The following SYNE2 variants were observed in gnomAD, a reference collection of about 807,000 sequenced individuals.
SYNE2 encodes spectrin repeat containing nuclear envelope protein 2, also known as nesprin-2.
Under a neutral mutation model 856.3 loss-of-function variants are expected in SYNE2, and 431 were observed. The ratio of observed to expected loss-of-function variants is 0.50; its 90% CI spans 0.47 to 0.55. The LOEUF (loss-of-function observed/expected upper bound fraction) is 0.55, where lower values mean the gene tolerates loss of function less well. SYNE2 is among the 20% of genes least tolerant of loss of function. The pLI is 0.00. For synonymous variants in SYNE2, 2,923 were observed against 2,872.3 expected, an observed-to-expected ratio of 1.02 and a Z score of -0.56; for missense variants, 8,129 against 8,023.2, an observed-to-expected ratio of 1.01 and a Z score of -0.50.
intron 1 of SYNE2, among the ~76,000 whole-genome samples, chr14:63,840,462 C>G (rs1890025504): frequency 6.9e-6 from 1 of 145,536 alleles, no homozygotes; most frequent in Non-Finnish European, 1.5e-5. Context: ...TCCCTCCCTC[C>G]CTCCTTCCTT....
At chr14:63,930,533 CTTTT>C (rs147797429) in intron 2 of SYNE2, among the ~76,000 whole-genome samples, 3 of 128,504 alleles carry the variant, frequency 2.3e-5, no homozygotes, top group African/African-American at 7.0e-5. Context: ...CATTATCCTT[CTTTT>C]TTTTTTTTTT....
chr14:63,790,327 C>T (rs186114705), intron 1 of SYNE2, among the ~76,000 whole-genome samples: 1 of 149,982 alleles, frequency 6.7e-6, no homozygotes, highest in East Asian at 2.0e-4. Context: ...CAGAGCAAGA[C>T]CCTGTCTCAA....
At chr14:63,988,894 C>G (rs1466142398) in intron 19 of SYNE2, among the ~76,000 whole-genome samples, 1 of 152,190 alleles carries the variant, frequency 6.6e-6, no homozygotes, top group South Asian at 2.1e-4. Context: ...CCGGGTGTCT[C>G]TCACAACTCG....
At chr14:64,116,001 A>T (rs8022222) in intron 66 of SYNE2, among the ~76,000 whole-genome samples, 39,145 of 151,402 alleles carry the variant, frequency 0.26, 8,108 homozygotes, top group African/African-American at 0.58. Context: ...AAAATAATTT[A>T]AAAAAAAATT....
At chr14:64,042,519 G>C (rs1409719272) in intron 45 of SYNE2, among the ~76,000 whole-genome samples, 2 of 152,190 alleles carry the variant, frequency 1.3e-5, no homozygotes, top group Non-Finnish European at 2.9e-5. Context: ...ATTCCGACAT[G>C]TCATGGGAGG....
chr14:63,797,706 C>T (rs910915310), intron 1 of SYNE2, among the ~76,000 whole-genome samples: 2 of 152,140 alleles, frequency 1.3e-5, no homozygotes, highest in African/African-American at 4.8e-5. Flanking sequence ...CCTCCCAAAG[C>T]GATGGGATTA....
intron 45 of SYNE2, among the ~76,000 whole-genome samples, chr14:64,044,041 A>C (rs750773187): frequency 5.3e-5 from 8 of 152,144 alleles, no homozygotes; most frequent in Non-Finnish European, 1.0e-4. Flanking sequence ...TGTCCTCCAG[A>C]CCCCAGAATG....
At chr14:63,995,923 C>G (rs926808513) in intron 23 of SYNE2, among the ~76,000 whole-genome samples, 2 of 152,088 alleles carry the variant, frequency 1.3e-5, no homozygotes, top group African/African-American at 4.8e-5. Flanking sequence ...TGGCTAATTC[C>G]GTGCTTCCCT....
chr14:64,035,240 C>G (rs868698574), intron 45 of SYNE2, among the ~76,000 whole-genome samples: 1 of 151,692 alleles, frequency 6.6e-6, no homozygotes, highest in African/African-American at 2.4e-5. Flanking sequence ...GTGAGTGACC[C>G]GGAACAAAGC....
intron 1 of SYNE2, among the ~76,000 whole-genome samples, chr14:63,865,724 C>CCCCCAAA (rs1555352398): frequency 4.2e-5 from 4 of 95,354 alleles, no homozygotes; most frequent in Non-Finnish European, 8.7e-5. Flanking sequence ...ACCCCCCCCC[C>CCCCCAAA]AAAAAAAAAG....
intron 2 of SYNE2, among the ~76,000 whole-genome samples, chr14:63,934,664 C>T (rs140454399): frequency 0.011 from 1,730 of 152,158 alleles, 25 homozygotes; most frequent in Middle Eastern, 0.024. Context: ...CATTTCACCT[C>T]CTCTGAGGTT....
At position 64,047,035 on chromosome 14, in the gene SYNE2, C is replaced by G. The variant is rs1265071187; in HGVS notation, c.7222-965C>G. Among the ~76,000 whole-genome samples, 3 of 152,238 alleles carry G rather than the reference C, an allele frequency of 2.0e-5. No individual in the cohort carries two copies. The East Asian group carries it at 5.8e-4, about 29-fold the overall frequency. On this transcript the variant is annotated intron_variant, in intron 45 of 115. Coordinates refer to ENST00000555002, the MANE Select transcript of SYNE2 (RefSeq NM_182914.3). ...GCCCTCCACCAGCAAAGGCAAAGGG[C>G]TGGTGTAACAGCCTTTCTGGGTACC...
At chr14:63,870,600 C>T (rs1896600425) in intron 1 of SYNE2, among the ~76,000 whole-genome samples, 1 of 137,444 alleles carries the variant, frequency 7.3e-6, no homozygotes, top group Non-Finnish European at 1.5e-5. Flanking sequence ...CCTGTATTAT[C>T]TCAGTAATAT....
At chr14:63,953,687 C>G (rs931686659) in intron 7 of SYNE2, among the ~76,000 whole-genome samples, 2 of 152,202 alleles carry the variant, frequency 1.3e-5, no homozygotes, top group Non-Finnish European at 2.9e-5. Flanking sequence ...CATCACCACT[C>G]TCTGTCACCA....
chr14:63,930,303 C>G (rs1387708706), intron 2 of SYNE2, among the ~76,000 whole-genome samples: 3 of 148,158 alleles, frequency 2.0e-5, no homozygotes, highest in African/African-American at 7.4e-5. Flanking sequence ...AAAAAAAAAG[C>G]AATGAGATGG....
chr14:63,802,601 G>T (rs1332163491), intron 1 of SYNE2, among the ~76,000 whole-genome samples: 1 of 152,196 alleles, frequency 6.6e-6, no homozygotes, highest in Non-Finnish European at 1.5e-5. Flanking sequence ...GAATGATATG[G>T]TTTGATTCTG....
At chr14:63,824,366 C>T (rs1462984879) in intron 1 of SYNE2, among the ~76,000 whole-genome samples, 1 of 152,026 alleles carries the variant, frequency 6.6e-6, no homozygotes, top group Non-Finnish European at 1.5e-5. Flanking sequence ...AGGCCGAGTG[C>T]GGTGGCTCAC....
At chr14:63,879,715 A>C (rs995591600) in intron 1 of SYNE2, among the ~76,000 whole-genome samples, 5 of 152,264 alleles carry the variant, frequency 3.3e-5, no homozygotes, top group African/African-American at 1.2e-4. Context: ...AATAAGCAAC[A>C]GAGGACAAAA....
At chr14:63,891,595 C>T (rs2095133539) in intron 1 of SYNE2, among the ~76,000 whole-genome samples, 1 of 151,816 alleles carries the variant, frequency 6.6e-6, no homozygotes, top group Non-Finnish European at 1.5e-5. Context: ...TTGCTGTTCT[C>T]GGTTGTCTTC....
Sources: allele counts gnomAD v4.1 joint callset (sites outside exome capture counted in the v4.1 genomes callset), GRCh38; gene constraint gnomAD v4.1.1; transcripts MANE v1.5; gene names NCBI Gene and HGNC (gene_info 2026-07-23, HGNC 2026-07-21).